Variants in DBN1 observed in about 807,000 individuals in gnomAD.
DBN1 encodes the protein drebrin.
In DBN1, 21 loss-of-function variants were observed where a neutral mutation model predicts 83.5. The ratio of observed to expected loss-of-function variants is 0.25; its 90% CI spans 0.18 to 0.36. DBN1 has a LOEUF of 0.36. Ranked by LOEUF, DBN1 falls within the 10% of genes least tolerant of loss-of-function variation. The pLI, the probability that DBN1 is intolerant of heterozygous loss-of-function variation, is 1.00. For missense variants in DBN1, 874 were observed against 935.7 expected, an observed-to-expected ratio of 0.93 and a Z score of 0.86; for synonymous variants, 381 against 384.9, an observed-to-expected ratio of 0.99 and a Z score of 0.12.
rs532463122 is a variant in DBN1, at chr5:177,467,940, C to T, written c.256-123G>A. On this transcript the variant is annotated intron_variant, in intron 3 of 14. Transcript: ENST00000393565. The surrounding 1 kb of genome is among the most constrained non-coding windows in gnomAD (Gnocchi z 9.1). ...CTCTCCACGGGTGTCAGAGGGCCGA[C>T]GGGGAGGGCGACTGCTCTGGGCCTT... 1.3e-4 allele frequency: 177 copies of T among 1,387,560 alleles called. 3 individuals are homozygous for T. The South Asian group carries it at 1.8e-3, about 14-fold the overall frequency. 86.0% of individuals were successfully genotyped at this position (1,387,560 alleles called of 1,614,324 possible).
intron 12 of DBN1, 146 bp from the exon 13 acceptor site, chr5:177,458,853 A>T: frequency 8.9e-7 from 1 of 1,121,914 alleles, no homozygotes. Flanking sequence ...AGTGACTTTA[A>T]GCCCCTTGGC....
intron 8 of DBN1, among the ~76,000 whole-genome samples, chr5:177,464,812 C>T (rs967509219): frequency 1.6e-4 from 25 of 151,618 alleles, no homozygotes; most frequent in African/African-American, 5.3e-4. Context: ...TGGTGGTGGG[C>T]GCCTGTAATC....
At chr5:177,459,027 C>T in intron 12 of DBN1, 71 bp downstream of exon 12, 3 of 1,536,880 alleles carry the variant, frequency 2.0e-6, no homozygotes, top group Non-Finnish European at 2.6e-6. Flanking sequence ...GAACGGTTAC[C>T]ATGGCAACCT....
At chr5:177,464,677 C>T (rs1434633143) in intron 8 of DBN1, among the ~76,000 whole-genome samples, 3 of 151,976 alleles carry the variant, frequency 2.0e-5, no homozygotes, top group African/African-American at 4.8e-5. Context: ...TGCGGTGGCT[C>T]ATGCCTGTAA....
rs1324766699 is a variant in DBN1 at position 177,473,121 on chromosome 5, G to A, written c.86+315C>T. On this transcript the variant is annotated intron_variant, in intron 1 of 14. Transcript: ENST00000393565. The stretch of plus-strand genomic sequence containing the variant: ...TCCCCCGGGCCCGGGGGGTAGGGTG[G>A]GGGATGGGCTCCCGCAGGGCCACGC... 3 of 151,714 alleles carry A rather than the reference G, an allele frequency of 2.0e-5. No individual in the cohort carries two copies. In the East Asian group the frequency reaches 5.9e-4, roughly 30 times the overall value. The allele number at this position is 151,714 out of a possible 1,614,324, so 9.4% of individuals were successfully genotyped here.
intron 1 of DBN1, among the ~76,000 whole-genome samples, chr5:177,472,555 T>G (rs1581741134): frequency 6.6e-6 from 1 of 151,574 alleles, no homozygotes. Context: ...GGGGGCGGGG[T>G]GAGGGGCGGC....
At chr5:177,470,378 C>G (rs1031824197) in intron 1 of DBN1, among the ~76,000 whole-genome samples, 13 of 152,160 alleles carry the variant, frequency 8.5e-5, no homozygotes, top group Admixed American at 8.5e-4. Context: ...AGACATCAAG[C>G]CTCCCTCTGA....
At chr5:177,460,619 C>G in intron 9 of DBN1, 25 bp downstream of exon 9, 1 of 1,614,152 alleles carries the variant, frequency 6.2e-7, no homozygotes, top group Non-Finnish European at 8.5e-7. Flanking sequence ...GTCTGCCTCA[C>G]CTGGCTGGTG....
rs569926741 is a variant in DBN1, at chr5:177,460,598, G to A, written c.832-43C>T. On this transcript the variant is annotated intron_variant, in intron 9 of 14. Coordinates refer to ENST00000393565, the MANE Select transcript of DBN1 (RefSeq NM_001363541.2). ...AGGTTGGGGCTGGGCCAGGCAAGCT[G>A]AGATAGCCCTGTCTGCCTCACCTGG... The A allele has an allele frequency of 2.5e-6, 4 of 1,614,080 alleles. No homozygotes were observed. The Admixed American group carries it at 6.7e-5, about 27-fold the overall frequency.
chr5:177,458,377 GC>G lies in DBN1; in HGVS notation c.1594del (p.Ala532ProfsTer95). 1 of 1,614,028 alleles carries G rather than the reference GC, an allele frequency of 6.2e-7. No homozygotes were observed. The highest frequency in any genetic ancestry group is 8.5e-7 in the Non-Finnish European group (1 of 1,179,950). ...IDLWPGNGEG[A>X]STLQGEPRAP... ...CCTGGGCTCACCCTGGAGTGTGGAG[GC>G]CCCTTCCCCGTTGCCAGGCCATAGG... On this transcript the variant is annotated frameshift_variant, in exon 13 of 15. Transcript: ENST00000393565. LOFTEE classifies it high-confidence loss of function.
rs1167615586 is a variant in DBN1, at chr5:177,457,275, C to G, written c.*158G>C. 4.4e-6 allele frequency: 3 copies of G among 677,566 alleles called. No individual in the cohort carries two copies. In the African/African-American group the frequency reaches 5.4e-5, roughly 12 times the overall value. 42.0% of individuals were successfully genotyped at this position (677,566 alleles called of 1,614,324 possible). ...AAAGAGAAAAGCTGTAAAAGTCAGG[C>G]CCTGTGGGTAGGGAAGCGGCCAAGT... On this transcript the variant is annotated 3_prime_UTR_variant, in exon 15 of 15. Coordinates refer to ENST00000393565, the MANE Select transcript of DBN1 (RefSeq NM_001363541.2).
intron 3 of DBN1, 23 bp downstream of exon 3, chr5:177,468,085 C>A (rs200498861): frequency 7.2e-7 from 1 of 1,394,424 alleles, no homozygotes; most frequent in Non-Finnish European, 1.0e-6. Flanking sequence ...CCTCAGCCCC[C>A]TTCCCCAGCC....
In DBN1 at chr5:177,467,054, T is replaced by C. The variant is rs1757496548; in HGVS notation, c.564A>G (p.Glu188=). 6.2e-7 allele frequency: 1 copy of C among 1,613,838 alleles called. No homozygotes were observed. The highest frequency in any genetic ancestry group is 8.5e-7 in the Non-Finnish European group (1 of 1,179,932). ...EQFWEQAKKE[E]ELRKEEERKK... ...TCCGCTCCTCCTCCTTCCGCAGCTC[T>C]TCTTCCTTCTGCAAGCCCCGGTGCG... Residue 188 remains glutamate, a synonymous_variant, in exon 7 of 15, where the codon GAA becomes GAG. Transcript: ENST00000393565. The surrounding 1 kb of genome is among the most constrained non-coding windows in gnomAD (Gnocchi z 9.1).
In DBN1 at chr5:177,467,350, C is replaced by A. The variant is rs757753402; in HGVS notation, c.478-18G>T. 9 of 1,613,926 alleles carry A rather than the reference C, an allele frequency of 5.6e-6. No individual in the cohort carries two copies. The East Asian group carries it at 1.6e-4, about 28-fold the overall frequency. On this transcript the variant is annotated intron_variant, in intron 5 of 14. Coordinates refer to ENST00000393565, the MANE Select transcript of DBN1 (RefSeq NM_001363541.2). The surrounding 1 kb of genome is among the most constrained non-coding windows in gnomAD (Gnocchi z 9.1). The stretch of plus-strand genomic sequence containing the variant: ...GTGGTGCCCTGCAGTGTCGAAGGAC[C>A]CAGCATAAGCAGGCTGAATGCCCCA...
In DBN1 at chr5:177,467,355, A is replaced by G. The variant is rs1757518951; in HGVS notation, c.478-23T>C. 2.5e-6 allele frequency: 4 copies of G among 1,614,112 alleles called. No individual in the cohort carries two copies. Among genetic ancestry groups the G allele is most frequent in the Non-Finnish European group, 3.4e-6 (4 of 1,179,964 alleles). On this transcript the variant is annotated intron_variant, in intron 5 of 14. Coordinates refer to ENST00000393565, the MANE Select transcript of DBN1 (RefSeq NM_001363541.2). The surrounding 1 kb of genome is among the most constrained non-coding windows in gnomAD (Gnocchi z 9.1). Reference sequence around the variant, plus strand: ...GCCCTGCAGTGTCGAAGGACCCAGCATAAGCAGGCTGAATGCCCCAGGAAC... The same window carrying G: ...GCCCTGCAGTGTCGAAGGACCCAGCGTAAGCAGGCTGAATGCCCCAGGAAC...
Position 177,467,743 on chromosome 5 carries a change from C to T in DBN1, c.330G>A (p.Gln110=), listed in dbSNP as rs548497731. 6.4e-7 allele frequency: 1 copy of T among 1,553,590 alleles called. No homozygotes were observed. The highest frequency in any genetic ancestry group is 8.7e-7 in the Non-Finnish European group (1 of 1,148,400). Residue 110 remains glutamine, a splice_region_variant and synonymous_variant, in exon 4 of 15, where the codon CAG becomes CAA. Coordinates refer to ENST00000393565, the MANE Select transcript of DBN1 (RefSeq NM_001363541.2). The surrounding 1 kb of genome is among the most constrained non-coding windows in gnomAD (Gnocchi z 9.1). The stretch of plus-strand genomic sequence containing the variant: ...AAGAGCGCTGGCCCCTGACACGCAC[C>T]TGGAAGAACTCCGCCACCTTAGCCA... The part of the protein sequence containing the change: ...SHVAKVAEFF[Q]GVDVIVNASS...
At chr5:177,472,791 G>C (rs901504184) in intron 1 of DBN1, 2 of 986,376 alleles carry the variant, frequency 2.0e-6, no homozygotes, top group African/African-American at 1.7e-5. Flanking sequence ...CCTCCTCCGC[G>C]ACCCGCGGCG....
chr5:177,457,137 C>T lies in DBN1; in HGVS notation c.*296G>A, dbSNP rs548406609. ...AACCCGGCCAGCTGAGCAGGGAGGACTAAGAGCTACAATCTGGACCAGGGA... is the reference window on the plus strand; with the variant it reads ...AACCCGGCCAGCTGAGCAGGGAGGATTAAGAGCTACAATCTGGACCAGGGA... On this transcript the variant is annotated 3_prime_UTR_variant, in exon 15 of 15. Transcript: ENST00000393565. 2.2e-6 allele frequency: 1 copy of T among 462,748 alleles called. No individual in the cohort carries two copies. Among genetic ancestry groups the T allele is most frequent in the East Asian group, 3.9e-5 (1 of 25,378 alleles). The allele number at this position is 462,748 out of a possible 1,614,324, so 28.7% of individuals were successfully genotyped here.
rs948947765 is a variant in DBN1 at position 177,460,941 on chromosome 5, G to A, written c.772-238C>T. On this transcript the variant is annotated intron_variant, in intron 8 of 14. Transcript: ENST00000393565. ...ACTACAGGTGTGCACCACCATGCCC[G>A]GCTAATTTTAATTTTTTGGTAGAGA... is the stretch of plus-strand genomic sequence containing the variant. 7.9e-5 allele frequency among the ~76,000 whole-genome samples: 12 copies of A among 151,922 alleles called. No individual in the cohort carries two copies. The East Asian group carries it at 1.4e-3, about 17-fold the overall frequency.
Sources: allele counts gnomAD v4.1 joint callset (sites outside exome capture counted in the v4.1 genomes callset), GRCh38; gene constraint gnomAD v4.1.1; non-coding constraint Gnocchi (gnomAD v3.1); transcripts MANE v1.5; gene names NCBI Gene and HGNC (gene_info 2026-07-23, HGNC 2026-07-21).